The following EYS variants were observed in gnomAD, a reference collection of about 807,000 sequenced individuals.
EYS encodes EGF-like photoreceptor maintenance factor, also known as protein eyes shut homolog.
Under a neutral mutation model 282.1 loss-of-function variants are expected in EYS, and 250 were observed. The ratio of observed to expected loss-of-function variants is 0.89; its 90% CI spans 0.80 to 0.98. The LOEUF is 0.98. Among genes scored for constraint, EYS ranks in the 50% least tolerant of loss-of-function variants. The pLI is 0.00. For synonymous variants in EYS, 1,355 were observed against 1,282.9 expected, an observed-to-expected ratio of 1.06 and a Z score of -1.20; for missense variants, 4,016 against 3,709.0, an observed-to-expected ratio of 1.08 and a Z score of -2.15.
At chr6:65,089,256 T>G (rs1377344897) in intron 12 of EYS, among the ~76,000 whole-genome samples, 2 of 152,118 alleles carry the variant, frequency 1.3e-5, no homozygotes, top group Middle Eastern at 3.4e-3. Context: ...ACCTTACACT[T>G]GAAAAAGCTG....
chr6:64,809,181 G>A (rs1250983876), intron 22 of EYS, among the ~76,000 whole-genome samples: 1 of 152,036 alleles, frequency 6.6e-6, no homozygotes, highest in African/African-American at 2.4e-5. Flanking sequence ...CAACCACGAA[G>A]ATCAATAAAG....
chr6:63,932,539 C>G (rs1764927111), intron 35 of EYS, among the ~76,000 whole-genome samples: 2 of 152,106 alleles, frequency 1.3e-5, no homozygotes, highest in South Asian at 4.1e-4. Context: ...ATTTTTTAGT[C>G]CTGTTCTATT....
intron 30 of EYS, among the ~76,000 whole-genome samples, chr6:64,232,202 C>T (rs994787729): frequency 6.6e-6 from 1 of 152,086 alleles, no homozygotes; most frequent in Non-Finnish European, 1.5e-5. Flanking sequence ...CATGATTGAG[C>T]CTGACCTGCT....
At chr6:64,873,601 G>A (rs1766658762) in intron 19 of EYS, among the ~76,000 whole-genome samples, 1 of 152,054 alleles carries the variant, frequency 6.6e-6, no homozygotes, top group Non-Finnish European at 1.5e-5. Context: ...AGAGGAATAT[G>A]TTGTAGTGAC....
intron 1 of EYS, among the ~76,000 whole-genome samples, chr6:65,649,175 T>TA (rs1281210976): frequency 6.6e-6 from 1 of 151,050 alleles, no homozygotes; most frequent in Non-Finnish European, 1.5e-5. Context: ...AAGAAAAACT[T>TA]AAACAATAAA....
intron 12 of EYS, among the ~76,000 whole-genome samples, chr6:65,166,398 G>T (rs550705564): frequency 6.6e-6 from 1 of 151,258 alleles, no homozygotes; most frequent in African/African-American, 2.4e-5. Context: ...AAAGATCCAT[G>T]ATGGAATTGT....
intron 37 of EYS, among the ~76,000 whole-genome samples, chr6:63,795,848 A>G (rs1770631708): frequency 6.6e-6 from 1 of 152,178 alleles, no homozygotes; most frequent in Admixed American, 6.5e-5. Flanking sequence ...ACCTGAAGGA[A>G]AAAGAGAGAA....
At chr6:65,179,641 T>G (rs566553926) in intron 12 of EYS, among the ~76,000 whole-genome samples, 113 of 152,114 alleles carry the variant, frequency 7.4e-4, no homozygotes, top group African/African-American at 2.5e-3. Context: ...GGAGGAGCTG[T>G]TACCATTCCT....
intron 22 of EYS, among the ~76,000 whole-genome samples, chr6:64,714,579 G>T (rs1416266145): frequency 2.7e-5 from 4 of 145,836 alleles, no homozygotes; most frequent in African/African-American, 1.0e-4. Context: ...AGGCTGGAGT[G>T]CAGTGGCGCA....
At chr6:64,624,568 G>C (rs1445071995) in intron 23 of EYS, among the ~76,000 whole-genome samples, 1 of 152,048 alleles carries the variant, frequency 6.6e-6, no homozygotes, top group African/African-American at 2.4e-5. Context: ...TGTACGGCTG[G>C]CTATTTCAAA....
intron 35 of EYS, among the ~76,000 whole-genome samples, chr6:63,912,321 A>G (rs966612120): frequency 6.6e-6 from 1 of 152,192 alleles, no homozygotes; most frequent in African/African-American, 2.4e-5. Context: ...ATATGCAGAT[A>G]ATGTGAACCA....
At chr6:65,050,450 T>C (rs1319734775) in intron 13 of EYS, among the ~76,000 whole-genome samples, 1 of 151,622 alleles carries the variant, frequency 6.6e-6, no homozygotes, top group Non-Finnish European at 1.5e-5. Context: ...ACTCAGTATT[T>C]TACAGTTCAT....
chr6:64,478,009 C>A (rs959206135), intron 26 of EYS, among the ~76,000 whole-genome samples: 2 of 152,030 alleles, frequency 1.3e-5, no homozygotes, highest in Non-Finnish European at 2.9e-5. Flanking sequence ...CCAGCAAAAG[C>A]ACTATGTACC....
At chr6:65,107,117 T>A (rs546827572) in intron 12 of EYS, among the ~76,000 whole-genome samples, 5 of 151,936 alleles carry the variant, frequency 3.3e-5, no homozygotes, top group Non-Finnish European at 7.4e-5. Context: ...GAAAAAAAAA[T>A]GTTTTCAGTG....
At chr6:65,245,917 A>C (rs564744192) in intron 12 of EYS, among the ~76,000 whole-genome samples, 1 of 152,140 alleles carries the variant, frequency 6.6e-6, no homozygotes, top group African/African-American at 2.4e-5. Context: ...GTTTATTTTT[A>C]ATTTCTGAAA....
intron 26 of EYS, among the ~76,000 whole-genome samples, chr6:64,442,972 A>G (rs1774999943): frequency 6.6e-5 from 10 of 152,166 alleles, no homozygotes; most frequent in Admixed American, 6.5e-4. Context: ...TGAGAAGAGG[A>G]CCACCATTCT....
intron 31 of EYS, among the ~76,000 whole-genome samples, chr6:64,083,879 A>G (rs1772058195): frequency 6.6e-6 from 1 of 152,120 alleles, no homozygotes; most frequent in Non-Finnish European, 1.5e-5. Context: ...CTGGGATTAC[A>G]GTCATGTGCC....
At chr6:64,858,171 C>T (rs1251895570) in intron 19 of EYS, among the ~76,000 whole-genome samples, 1 of 152,060 alleles carries the variant, frequency 6.6e-6, no homozygotes, top group Non-Finnish European at 1.5e-5. Context: ...AAATTATTGG[C>T]CAAACCAATG....
chr6:64,670,219 C>A (rs551563093), intron 22 of EYS, among the ~76,000 whole-genome samples: 6 of 152,154 alleles, frequency 3.9e-5, no homozygotes, highest in African/African-American at 1.4e-4. Context: ...AATTAACAAA[C>A]ACAGATGACT....
Sources: allele counts gnomAD v4.1 joint callset (sites outside exome capture counted in the v4.1 genomes callset), GRCh38; gene constraint gnomAD v4.1.1; transcripts MANE v1.5; gene names NCBI Gene and HGNC (gene_info 2026-07-23, HGNC 2026-07-21).